The following ATP6V1B2 variants were observed in gnomAD, a reference collection of about 807,000 sequenced individuals.
ATP6V1B2 encodes V-type proton ATPase subunit B, brain isoform.
Under a neutral mutation model 66.7 loss-of-function variants are expected in ATP6V1B2, and 23 were observed. The observed-to-expected ratio is 0.34, with a 90% CI of 0.25 to 0.49. The LOEUF is 0.49. Among genes scored for constraint, ATP6V1B2 ranks in the 20% least tolerant of loss-of-function variants. ATP6V1B2 has a pLI of 0.99. For missense variants in ATP6V1B2, 478 were observed against 650.8 expected (o/e 0.73, Z 2.89); for synonymous variants, 278 against 236.7 (o/e 1.17, Z -1.60).
At chr8:20,217,423 T>C (rs1283211499) in intron 12 of ATP6V1B2, 99 bp downstream of exon 12, 8 of 1,078,384 alleles carry the variant, frequency 7.4e-6, no homozygotes, top group Middle Eastern at 2.0e-4. Context: ...CTCTTCCCCA[T>C]CCACATGGAA....
intron 2 of ATP6V1B2, 26 bp from the exon 3 acceptor site, chr8:20,209,407 T>G: frequency 6.2e-7 from 1 of 1,604,624 alleles, no homozygotes; most frequent in Non-Finnish European, 8.5e-7. Flanking sequence ...ATGTCGGATA[T>G]TGATCCTTTA....
chr8:20,220,362 C>G lies in ATP6V1B2; in HGVS notation c.1496C>G (p.Thr499Ser), dbSNP rs2072895709. 6.3e-7 allele frequency: 1 copy of G among 1,591,264 alleles called. No individual in the cohort carries two copies. Residue 499 changes from threonine to serine, a missense_variant, in exon 14 of 14, where the codon ACC (threonine) becomes AGC (serine). Coordinates refer to ENST00000276390, the MANE Select transcript of ATP6V1B2 (RefSeq NM_001693.4). ...ATGCTGAAGAGAATCCCTCAGAGCA[C>G]CCTCAGCGAATTTTACCCTCGAGAC... Reference protein sequence around the residue: ...KEMLKRIPQSTLSEFYPRDSA... With the variant: ...KEMLKRIPQSSLSEFYPRDSA...
In ATP6V1B2 at chr8:20,197,598, C is replaced by T. The variant is rs1359281996; in HGVS notation, c.136+56C>T. On this transcript the variant is annotated intron_variant, in intron 1 of 13. Coordinates refer to ENST00000276390, the MANE Select transcript of ATP6V1B2 (RefSeq NM_001693.4). ...CTTTGCTCCCTAGCCTAGCCCTTTG[C>T]TCCCAGTCACCTGCTTAGCCAGCGG... 5 of 1,315,284 alleles carry T rather than the reference C, an allele frequency of 3.8e-6. No individual in the cohort carries two copies. The African/African-American group carries it at 6.1e-5, about 16-fold the overall frequency. The allele number at this position is 1,315,284 out of a possible 1,614,324, so 81.5% of individuals were successfully genotyped here. A position where few individuals can be genotyped will look rare whatever the true frequency, so the allele number is the denominator to read the frequency against.
chr8:20,213,023 T>C, intron 9 of ATP6V1B2, 118 bp downstream of exon 9: 13 of 1,336,850 alleles, frequency 9.7e-6, no homozygotes, highest in Non-Finnish European at 1.3e-5. Flanking sequence ...CATATATTAA[T>C]AGAATGCCTT....
At chr8:20,207,865 A>C (rs1453670370) in intron 2 of ATP6V1B2, among the ~76,000 whole-genome samples, 1 of 152,196 alleles carries the variant, frequency 6.6e-6, no homozygotes, top group Non-Finnish European at 1.5e-5. Context: ...AGAAGGATTT[A>C]CTTGATAAGT....
intron 1 of ATP6V1B2, among the ~76,000 whole-genome samples, chr8:20,199,772 G>A (rs943921397): frequency 2.6e-5 from 4 of 151,776 alleles, no homozygotes; most frequent in Admixed American, 1.3e-4. Flanking sequence ...CGCCATGCCC[G>A]GCTAATTTTT....
chr8:20,215,448 T>G (rs2072844802), intron 10 of ATP6V1B2: 1 of 152,876 alleles, frequency 6.5e-6, no homozygotes, highest in Admixed American at 6.5e-5. Context: ...TCTGTGTGTG[T>G]GCCCAGGATG....
At chr8:20,210,537 C>G (rs770104107) in intron 4 of ATP6V1B2, 32 bp from the exon 5 acceptor site, 28 of 1,610,278 alleles carry the variant, frequency 1.7e-5, no homozygotes, top group Non-Finnish European at 2.1e-5. Flanking sequence ...AAGTCAGCAT[C>G]TACTCTGTCC....
chr8:20,210,448 ATAT>A lies in ATP6V1B2; in HGVS notation c.385+14_385+16del, dbSNP rs1386779938. ...GTCTGAGGATATGCTTGGTAAATGGATATTATTCATTCTAAGCCGAGATCTGTT... is the reference window on the plus strand; with the variant it reads ...GTCTGAGGATATGCTTGGTAAATGGATATTCATTCTAAGCCGAGATCTGTT... On this transcript the variant is annotated intron_variant, in intron 4 of 13. Transcript: ENST00000276390. 6.2e-7 allele frequency: 1 copy of A among 1,611,982 alleles called. No homozygotes were observed. The highest frequency in any genetic ancestry group is 1.7e-5 in the Admixed American group (1 of 59,970).
At chr8:20,220,021 T>C (rs569368125) in intron 13 of ATP6V1B2, among the ~76,000 whole-genome samples, 2 of 152,292 alleles carry the variant, frequency 1.3e-5, no homozygotes, top group South Asian at 4.1e-4. Flanking sequence ...TGTCTCACCA[T>C]CCTCTCCCGC....
intron 9 of ATP6V1B2, chr8:20,213,184 T>C (rs1182667721): frequency 2.7e-6 from 1 of 367,480 alleles, no homozygotes; most frequent in Non-Finnish European, 5.0e-6. Context: ...TCAAGCTGTT[T>C]ATTCAGTTAC....
At position 20,220,593 on chromosome 8, in the gene ATP6V1B2, C is replaced by A. The variant is rs776263675; in HGVS notation, c.*191C>A. The A allele has an allele frequency of 9.0e-6, 7 of 776,832 alleles. No homozygotes were observed. Among genetic ancestry groups the A allele is most frequent in the Non-Finnish European group, 1.1e-5 (6 of 536,878 alleles). The allele number at this position is 776,832 out of a possible 1,614,324, so 48.1% of individuals were successfully genotyped here. ...TGCTAACAGACCTTAAAATATCCCCCTACCTGGGTCCTCAGTGCTATGTTT... is the reference window on the plus strand; with the variant it reads ...TGCTAACAGACCTTAAAATATCCCCATACCTGGGTCCTCAGTGCTATGTTT... On this transcript the variant is annotated 3_prime_UTR_variant, in exon 14 of 14. Transcript: ENST00000276390.
chr8:20,210,324 C>T (rs753774595), intron 3 of ATP6V1B2, 22 bp from the exon 4 acceptor site: 5 of 1,587,116 alleles, frequency 3.2e-6, no homozygotes, highest in South Asian at 2.2e-5. Flanking sequence ...CTACCCTTCT[C>T]ATTAATTCTT....
At chr8:20,217,096 A>G (rs2072862222) in intron 11 of ATP6V1B2, 124 bp from the exon 12 acceptor site, 1 of 755,750 alleles carries the variant, frequency 1.3e-6, no homozygotes, top group Non-Finnish European at 2.2e-6. Flanking sequence ...TTCATCTAGG[A>G]GACAAATGCA....
chr8:20,211,096 T>C (rs1307800896), intron 5 of ATP6V1B2, 81 bp from the exon 6 acceptor site: 5 of 1,541,382 alleles, frequency 3.2e-6, no homozygotes, highest in African/African-American at 1.4e-5. Flanking sequence ...TTTTCTTTTC[T>C]TTTAATTTGA....
chr8:20,199,299 C>T (rs538063682), intron 1 of ATP6V1B2, among the ~76,000 whole-genome samples: 1 of 152,306 alleles, frequency 6.6e-6, no homozygotes, highest in South Asian at 2.1e-4. Flanking sequence ...GTCCCCACTG[C>T]CTAGCACAGT....
chr8:20,198,721 C>A (rs146066847), intron 1 of ATP6V1B2, among the ~76,000 whole-genome samples: 42 of 152,244 alleles, frequency 2.8e-4, no homozygotes, highest in African/African-American at 9.9e-4. Flanking sequence ...CTGACTAATC[C>A]ACATCCTGAT....
intron 2 of ATP6V1B2, 90 bp from the exon 3 acceptor site, chr8:20,209,343 C>A: frequency 7.7e-7 from 1 of 1,291,902 alleles, no homozygotes; most frequent in Non-Finnish European, 1.1e-6. Context: ...GTTCCATATT[C>A]AGACACAACA....
Position 20,210,223 on chromosome 8 carries a change from A to G in ATP6V1B2, c.292-123A>G, listed in dbSNP as rs73214065. Reference sequence around the variant, plus strand: ...TTATTATCATATTTCTTTGCTCATTATATCAAAAGTAGTATACATTCATGG... The same window carrying G: ...TTATTATCATATTTCTTTGCTCATTGTATCAAAAGTAGTATACATTCATGG... On this transcript the variant is annotated intron_variant, in intron 3 of 13. Coordinates refer to ENST00000276390, the MANE Select transcript of ATP6V1B2 (RefSeq NM_001693.4). The G allele has an allele frequency of 8.9e-3, 6,684 of 748,308 alleles. 55 individuals are homozygous for G. The highest frequency in any genetic ancestry group is 0.012 in the Non-Finnish European group (5,657 of 472,996). The allele number at this position is 748,308 out of a possible 1,614,324, so 46.4% of individuals were successfully genotyped here.
Sources: gnomAD v4.1 joint callset for allele counts (sites outside exome capture counted in the v4.1 genomes callset) on GRCh38, gnomAD v4.1.1 for gene constraint, MANE v1.5 for transcripts, NCBI Gene and HGNC (gene_info 2026-07-23, HGNC 2026-07-21) for gene names.